The following ABL2 variants were observed in gnomAD, a reference collection of about 807,000 sequenced individuals.
ABL2 encodes tyrosine-protein kinase ABL2.
Under a neutral mutation model 107.7 loss-of-function variants are expected in ABL2, and 49 were observed. The ratio of observed to expected loss-of-function variants is 0.45; its 90% CI spans 0.36 to 0.58. ABL2 has a LOEUF of 0.58. ABL2 is among the 20% of genes least tolerant of loss of function. ABL2 has a pLI of 0.00. For missense variants in ABL2, 1,245 were observed against 1,457.0 expected (o/e 0.85, Z 2.37); for synonymous variants, 549 against 548.6 (o/e 1.00, Z -0.01).
chr1:179,120,915 C>T (rs1655129168), intron 5 of ABL2, among the ~76,000 whole-genome samples: 1 of 152,142 alleles, frequency 6.6e-6, no homozygotes, highest in Admixed American at 6.6e-5. Context: ...GAGCACTTAG[C>T]TGCTTACATA....
Position 179,109,064 on chromosome 1 carries a change from C to A in ABL2, c.2203G>T (p.Gly735Cys). The A allele has an allele frequency of 6.2e-7, 1 of 1,605,024 alleles. No individual in the cohort carries two copies. Among genetic ancestry groups the A allele is most frequent in the South Asian group, 1.1e-5 (1 of 90,264 alleles). ...RNLCNDDGGG[G>C]GGSGTAGGGW... ...CCCCCAGCAGTGCCACTGCCCCCAC[C>A]CCCACCACCGTCGTCATTACAGAGG... The change falls in exon 12 of 12, where the codon GGT becomes TGT. Residue 735 changes from glycine to cysteine, a missense_variant. Gly to Cys is a radical substitution (Grantham distance 159, BLOSUM62 -3). This residue lies in a region of ABL2 where 761 missense variants were observed against 766.4 expected (regional missense o/e 0.99). Transcript: ENST00000502732.
chr1:179,110,857 CAG>C (rs766638627), intron 10 of ABL2: 1 of 1,613,828 alleles, frequency 6.2e-7, no homozygotes, highest in African/African-American at 1.3e-5. Flanking sequence ...TGGTGGATCA[CAG>C]GGTATACGTG....
intron 1 of ABL2, among the ~76,000 whole-genome samples, chr1:179,225,209 T>TA (rs1663123485): frequency 6.6e-6 from 1 of 152,190 alleles, no homozygotes; most frequent in South Asian, 2.1e-4. Flanking sequence ...TTATTAACGA[T>TA]AAAAAATGAC....
chr1:179,137,442 T>A (rs549517969), intron 1 of ABL2, among the ~76,000 whole-genome samples: 33 of 152,166 alleles, frequency 2.2e-4, no homozygotes, highest in African/African-American at 5.5e-4. Flanking sequence ...ATATATATAT[T>A]TTTGCCAGTG....
intron 1 of ABL2, among the ~76,000 whole-genome samples, chr1:179,143,957 A>G (rs547521199): frequency 1.3e-5 from 2 of 152,028 alleles, no homozygotes; most frequent in Non-Finnish European, 2.9e-5. Flanking sequence ...CAGCCTCCCA[A>G]AGTGCTAGGA....
intron 1 of ABL2, among the ~76,000 whole-genome samples, chr1:179,170,008 CAGAG>C (rs1268427789): frequency 6.6e-6 from 1 of 152,204 alleles, no homozygotes; most frequent in East Asian, 1.9e-4. Context: ...GCCTGGGTGA[CAGAG>C]AGATTCTGTC....
chr1:179,103,613 A>C lies in ABL2; in HGVS notation c.*4105T>G, dbSNP rs1394790443. On this transcript the variant is annotated 3_prime_UTR_variant, in exon 12 of 12. Transcript: ENST00000502732. ...CCCCATTGAATTTTTTAAATGACTGAATTCTACTGAGTGCTTGCTTGGCTT... is the reference window on the plus strand; with the variant it reads ...CCCCATTGAATTTTTTAAATGACTGCATTCTACTGAGTGCTTGCTTGGCTT... 9.0e-6 allele frequency: 2 copies of C among 222,014 alleles called. No homozygotes were observed. Among genetic ancestry groups the C allele is most frequent in the East Asian group, 1.3e-4 (2 of 15,350 alleles). The allele number at this position is 222,014 out of a possible 1,614,324, so 13.8% of individuals were successfully genotyped here.
At position 179,108,555 on chromosome 1, in the gene ABL2, A is replaced by G. The variant is rs1457688381; in HGVS notation, c.2712T>C (p.Val904=). The G allele has an allele frequency of 6.2e-7, 1 of 1,614,014 alleles. No homozygotes were observed. The change falls in exon 12 of 12, where the codon GTT becomes GTC. Residue 904 remains valine, a synonymous_variant. Coordinates refer to ENST00000502732, the MANE Select transcript of ABL2 (RefSeq NM_007314.4). ...AGCCCGGCTGCTCTCCATCCTCTGG[A>G]ACTCCAGCCATCCCAAGTCGTGCCC... The part of the protein sequence containing the change: ...NGGARLGMAG[V]PEDGEQPGWP...
chr1:179,133,279 A>T, intron 2 of ABL2, 33 bp downstream of exon 2: 2 of 1,613,722 alleles, frequency 1.2e-6, no homozygotes, highest in Non-Finnish European at 1.7e-6. Flanking sequence ...CCAATGCCTT[A>T]GTTCAAATCT....
At chr1:179,192,938 A>G (rs2102824531) in intron 1 of ABL2, among the ~76,000 whole-genome samples, 2 of 152,360 alleles carry the variant, frequency 1.3e-5, no homozygotes, top group African/African-American at 4.8e-5. Flanking sequence ...ATTACTAGAA[A>G]GAAATCAAGA....
At chr1:179,124,926 C>G (rs530453679) in intron 4 of ABL2, among the ~76,000 whole-genome samples, 1 of 152,250 alleles carries the variant, frequency 6.6e-6, no homozygotes, top group East Asian at 1.9e-4. Flanking sequence ...TCAAAGTTGT[C>G]CAACCATCAT....
chr1:179,108,039 A>G lies in ABL2; in HGVS notation c.3228T>C (p.Ala1076=). Residue 1076 remains alanine (A), a synonymous_variant, in exon 12 of 12, where the codon GCT becomes GCC. Transcript: ENST00000502732. ...TGATTTTGTCTGCTGAGATTTTCTC[A>G]GCGGCCTGTTTGGTTTTTCTCAGAG... ...KVALRKTKQA[A]EKISADKISK... is the part of the protein sequence containing the mutation. The G allele has an allele frequency of 6.2e-7, 1 of 1,614,194 alleles. No homozygotes were observed. The highest frequency in any genetic ancestry group is 2.2e-5 in the East Asian group (1 of 44,884).
In ABL2 at chr1:179,100,423, T is replaced by C. The variant is rs951288592; in HGVS notation, c.*7295A>G. 11 of 226,808 alleles carry C rather than the reference T, an allele frequency of 4.8e-5. No homozygotes were observed. In the East Asian group the frequency reaches 7.0e-4, roughly 15 times the overall value. 14.0% of individuals were successfully genotyped at this position (226,808 alleles called of 1,614,324 possible). ...CAAAACCTTCTGAAACAACAATAAA[T>C]TTGCATATTCTTTTTATTGTGTCAT... On this transcript the variant is annotated 3_prime_UTR_variant, in exon 12 of 12. Transcript: ENST00000502732.
Position 179,131,470 on chromosome 1 carries a change from G to A in ABL2, c.232C>T (p.Arg78Cys), listed in dbSNP as rs371509729. 12 of 1,613,608 alleles carry A rather than the reference G, an allele frequency of 7.4e-6. No individual in the cohort carries two copies. The highest frequency in any genetic ancestry group is 9.3e-6 in the Non-Finnish European group (11 of 1,179,730). Residue 78 changes from arginine to cysteine, a missense_variant, in exon 3 of 12, where the codon CGT becomes TGT. Physicochemically the swap from Arg to Cys is radical, Grantham distance 180. Coordinates refer to ENST00000502732, the MANE Select transcript of ABL2 (RefSeq NM_007314.4). ...TGGSSPEALHRPYGCDVEPQA... is the reference protein window; with the variant it reads ...TGGSSPEALHCPYGCDVEPQA... ...GGTTCAACATCACAACCATAGGGACGATGCAAAGCTTCTGAAAGACATAAG... is the reference window on the plus strand; with the variant it reads ...GGTTCAACATCACAACCATAGGGACAATGCAAAGCTTCTGAAAGACATAAG...
intron 1 of ABL2, among the ~76,000 whole-genome samples, chr1:179,150,815 G>C (rs980108927): frequency 6.6e-6 from 1 of 151,224 alleles, no homozygotes; most frequent in African/African-American, 2.4e-5. Flanking sequence ...CAACGGATTT[G>C]GTAAACTTCA....
intron 1 of ABL2, among the ~76,000 whole-genome samples, chr1:179,188,906 G>A (rs1282538908): frequency 1.3e-5 from 2 of 152,138 alleles, no homozygotes; most frequent in African/African-American, 4.8e-5. Context: ...TAGAGAAGAG[G>A]CTAAAGGGAG....
intron 3 of ABL2, among the ~76,000 whole-genome samples, chr1:179,129,431 C>A (rs767209690): frequency 3.3e-5 from 5 of 152,166 alleles, no homozygotes; most frequent in Admixed American, 6.5e-5. Context: ...CGCCTGTAAC[C>A]CCAGCACTTT....
At chr1:179,183,627 T>G (rs1167235067) in intron 1 of ABL2, 5 of 152,200 alleles carry the variant, frequency 3.3e-5, no homozygotes, top group African/African-American at 1.2e-4. Context: ...TAAGTTAAAA[T>G]GTTGTAGAGC....
At chr1:179,167,553 A>C (rs541207968) in intron 1 of ABL2, among the ~76,000 whole-genome samples, 8 of 152,348 alleles carry the variant, frequency 5.3e-5, no homozygotes, top group Non-Finnish European at 1.0e-4. Context: ...ATTTCTAGGT[A>C]GCTAGAAAAG....
Sources: gnomAD v4.1 joint callset for allele counts (sites outside exome capture counted in the v4.1 genomes callset) on GRCh38, gnomAD v4.1.1 for gene constraint, gnomAD v4.1.1 regional missense constraint, MANE v1.5 for transcripts, NCBI Gene and HGNC (gene_info 2026-07-23, HGNC 2026-07-21) for gene names.